The following LMBR1 variants were observed in gnomAD, a reference collection of about 807,000 sequenced individuals.
LMBR1 encodes the protein limb region 1 protein homolog.
A neutral mutation model predicts 73.9 loss-of-function variants in LMBR1; 52 were observed. The observed-to-expected ratio is 0.70, with a 90% CI of 0.56 to 0.89. LMBR1 has a LOEUF of 0.89. Ranked by LOEUF, LMBR1 falls within the 40% of genes least tolerant of loss-of-function variation. The pLI is 0.00. For missense variants in LMBR1, 539 were observed against 579.8 expected (o/e 0.93, Z 0.72); for synonymous variants, 215 against 209.4 (o/e 1.03, Z -0.23).
chr7:156,818,834 T>C (rs368742891), intron 4 of LMBR1, among the ~76,000 whole-genome samples: 226 of 152,364 alleles, frequency 1.5e-3, no homozygotes, highest in African/African-American at 5.1e-3. Flanking sequence ...CTTTATTTTT[T>C]CGGTCCATTT....
At chr7:156,832,629 G>T (rs1449314233) in intron 3 of LMBR1, among the ~76,000 whole-genome samples, 1 of 152,150 alleles carries the variant, frequency 6.6e-6, no homozygotes, top group African/African-American at 2.4e-5. Flanking sequence ...TTCTTTTACA[G>T]CTGAATACTA....
intron 1 of LMBR1, among the ~76,000 whole-genome samples, chr7:156,838,272 C>T (rs1838018233): frequency 6.6e-6 from 1 of 152,040 alleles, no homozygotes; most frequent in African/African-American, 2.4e-5. Context: ...AAATATAATA[C>T]ATTGTTATTT....
At chr7:156,864,705 G>C in intron 1 of LMBR1, among the ~76,000 whole-genome samples, 1 of 152,038 alleles carries the variant, frequency 6.6e-6, no homozygotes, top group African/African-American at 2.4e-5. Context: ...AATTTAAAAA[G>C]CAATTCCAGG....
intron 15 of LMBR1, among the ~76,000 whole-genome samples, chr7:156,692,136 C>T (rs4716651): frequency 0.54 from 81,890 of 151,894 alleles, 22,150 homozygotes; most frequent in Middle Eastern, 0.65. Context: ...AGTGCAGCAG[C>T]GCGATCTCAG....
rs1563259082 is a variant in LMBR1, at chr7:156,743,514, A to C, written c.758-9257T>G. ...AAGTTTAGACACAGAGCAAACTTCA[A>C]AGAGGATTTTCCAGCAGCTCAACAG... On this transcript the variant is annotated intron_variant, in intron 9 of 16. Transcript: ENST00000353442. Among the ~76,000 whole-genome samples, 9 of 152,312 alleles carry C rather than the reference A, an allele frequency of 5.9e-5. No individual in the cohort carries two copies. The South Asian group carries it at 1.9e-3, about 32-fold the overall frequency.
chr7:156,847,258 C>T (rs1292965861), intron 1 of LMBR1, among the ~76,000 whole-genome samples: 6 of 152,226 alleles, frequency 3.9e-5, no homozygotes, highest in African/African-American at 7.2e-5. Context: ...TAGACATAGA[C>T]CTTATACACT....
chr7:156,774,382 T>C (rs1825749689), intron 5 of LMBR1, among the ~76,000 whole-genome samples: 1 of 152,202 alleles, frequency 6.6e-6, no homozygotes, highest in Admixed American at 6.5e-5. Context: ...CAAAGGAATA[T>C]AAATGATTCT....
chr7:156,783,407 G>A (rs1357394837), intron 5 of LMBR1, among the ~76,000 whole-genome samples: 4 of 152,032 alleles, frequency 2.6e-5, no homozygotes, highest in Non-Finnish European at 4.4e-5. Context: ...TCGAACTCCT[G>A]GCCTCCTGCG....
Position 156,763,691 on chromosome 7 carries a change from G to C in LMBR1, c.528C>G (p.Ala176=), listed in dbSNP as rs138255184. The C allele has an allele frequency of 7.1e-3, 11,249 of 1,591,438 alleles. 93 individuals are homozygous for C. The highest frequency in any genetic ancestry group is 0.039 in the Middle Eastern group (235 of 6,016). The change falls in exon 6 of 17, where the codon GCC becomes GCG. Residue 176 remains alanine, a synonymous_variant. Coordinates refer to ENST00000353442, the MANE Select transcript of LMBR1 (RefSeq NM_022458.4). ...WVASALIDND[A]ASMESLYDLW... ...TACCATATAAAGATTCCATGCTTGC[G>C]GCATCGTTGTCAATGAGTGCTGAAG...
At chr7:156,761,811 C>T (rs1823052445) in intron 8 of LMBR1, among the ~76,000 whole-genome samples, 4 of 151,822 alleles carry the variant, frequency 2.6e-5, no homozygotes, top group Non-Finnish European at 5.9e-5. Flanking sequence ...CCCGTCTCTA[C>T]TAAAAATACA....
intron 15 of LMBR1, among the ~76,000 whole-genome samples, chr7:156,713,977 A>G (rs1481065915): frequency 6.6e-6 from 1 of 152,236 alleles, no homozygotes; most frequent in Non-Finnish European, 1.5e-5. Context: ...TGCATGTACT[A>G]CAGAAGCTAC....
In LMBR1 at chr7:156,796,460, G is replaced by A; in HGVS notation, c.352C>T (p.Leu118Phe). The stretch of plus-strand genomic sequence containing the variant: ...AAGGGCATCAATACAAATAAACAAA[G>A]GTTGGAAAAAAGGGAAGCAAGATTC... ...LWNLASLFSNLCLFVLMPFAF... is the reference protein window; with the variant it reads ...LWNLASLFSNFCLFVLMPFAF... The change falls in exon 5 of 17, where the codon CTT becomes TTT. Residue 118 changes from leucine (L) to phenylalanine (F), a missense_variant. Leu to Phe is a conservative substitution (Grantham distance 22). Around this residue, in one of 3 missense-constraint regions of LMBR1, gnomAD observed 454 missense variants for 473.4 expected, o/e 0.96. Coordinates refer to ENST00000353442, the MANE Select transcript of LMBR1 (RefSeq NM_022458.4). 2 of 1,605,958 alleles carry A rather than the reference G, an allele frequency of 1.2e-6. No homozygotes were observed. The highest frequency in any genetic ancestry group is 1.7e-6 in the Non-Finnish European group (2 of 1,176,866).
At chr7:156,722,433 G>GT (rs1252159437) in intron 15 of LMBR1, among the ~76,000 whole-genome samples, 1 of 152,050 alleles carries the variant, frequency 6.6e-6, no homozygotes, top group Non-Finnish European at 1.5e-5. Context: ...GAATTACAAA[G>GT]TAACTCTCTA....
chr7:156,816,108 A>T (rs1043598701), intron 4 of LMBR1, among the ~76,000 whole-genome samples: 1 of 152,170 alleles, frequency 6.6e-6, no homozygotes, highest in Non-Finnish European at 1.5e-5. Context: ...ATCACTAAAA[A>T]GTATCTCTTC....
At chr7:156,863,487 G>A (rs997328309) in intron 1 of LMBR1, among the ~76,000 whole-genome samples, 1 of 152,064 alleles carries the variant, frequency 6.6e-6, no homozygotes. Flanking sequence ...GACACACCCA[G>A]GATCAATACT....
rs1284429084 is a variant in LMBR1 at position 156,682,997 on chromosome 7, T to C, written c.*1081A>G. 1 of 152,206 alleles carries C rather than the reference T, an allele frequency of 6.6e-6. No homozygotes were observed. The highest frequency in any genetic ancestry group is 1.5e-5 in the Non-Finnish European group (1 of 68,028). The allele number at this position is 152,206 out of a possible 1,614,324, so 9.4% of individuals were successfully genotyped here. On this transcript the variant is annotated 3_prime_UTR_variant, in exon 17 of 17. Coordinates refer to ENST00000353442, the MANE Select transcript of LMBR1 (RefSeq NM_022458.4). ...AGCCAAGAAACCATCCCAATAATTA[T>C]TTACAATTTAATAACTGAATGATTA...
intron 1 of LMBR1, among the ~76,000 whole-genome samples, chr7:156,873,017 G>A (rs1799547681): frequency 6.6e-6 from 1 of 151,868 alleles, no homozygotes; most frequent in Non-Finnish European, 1.5e-5. Context: ...CTCTTAAGGT[G>A]GCGCGTTGGC....
At chr7:156,700,430 T>C (rs982940630) in intron 15 of LMBR1, among the ~76,000 whole-genome samples, 2 of 151,930 alleles carry the variant, frequency 1.3e-5, no homozygotes, top group Non-Finnish European at 2.9e-5. Flanking sequence ...CATTAGGAGA[T>C]ATACCTAATG....
At chr7:156,742,920 C>T (rs1294343248) in intron 9 of LMBR1, among the ~76,000 whole-genome samples, 1 of 151,998 alleles carries the variant, frequency 6.6e-6, no homozygotes, top group Non-Finnish European at 1.5e-5. Context: ...TGGATTTATC[C>T]GAGATGCAAG....
Sources: gnomAD v4.1 joint callset for allele counts (sites outside exome capture counted in the v4.1 genomes callset) on GRCh38, gnomAD v4.1.1 for gene constraint, gnomAD v4.1.1 regional missense constraint, MANE v1.5 for transcripts, NCBI Gene and HGNC (gene_info 2026-07-23, HGNC 2026-07-21) for gene names.